The following ZC3H18 variants were observed in gnomAD, a reference collection of about 807,000 sequenced individuals.
The protein encoded by ZC3H18 is zinc finger CCCH domain-containing protein 18.
In ZC3H18, 8 loss-of-function variants were observed where a neutral mutation model predicts 106.1. The observed-to-expected ratio is 0.08, with a 90% CI of 0.04 to 0.14. The LOEUF is 0.14. Ranked by LOEUF, ZC3H18 falls within the 10% of genes least tolerant of loss-of-function variation. The pLI is 1.00. For missense variants in ZC3H18, 1,318 were observed against 1,278.4 expected (o/e 1.03, Z -0.47); for synonymous variants, 635 against 522.1 (o/e 1.22, Z -2.95).
intron 1 of ZC3H18, among the ~76,000 whole-genome samples, chr16:88,575,135 G>A (rs997941293): frequency 6.6e-6 from 1 of 150,576 alleles, no homozygotes. Flanking sequence ...GGCCTCTAAT[G>A]TGTACTTAAT....
intron 8 of ZC3H18, among the ~76,000 whole-genome samples, chr16:88,618,492 G>C (rs932143939): frequency 6.6e-6 from 1 of 152,170 alleles, no homozygotes; most frequent in African/African-American, 2.4e-5. Flanking sequence ...TTTCACCTTT[G>C]ACCCCAAACT....
At chr16:88,589,808 G>A (rs1300139695) in intron 3 of ZC3H18, among the ~76,000 whole-genome samples, 1 of 152,212 alleles carries the variant, frequency 6.6e-6, no homozygotes, top group East Asian at 1.9e-4. Flanking sequence ...GACTGGGGGT[G>A]GAGAGTGATA....
At chr16:88,571,314 C>G (rs1292653295) in intron 1 of ZC3H18, among the ~76,000 whole-genome samples, 1 of 152,212 alleles carries the variant, frequency 6.6e-6, no homozygotes, top group East Asian at 1.9e-4. Context: ...TTCTTCAGAC[C>G]CATTTGGGAA....
intron 1 of ZC3H18, among the ~76,000 whole-genome samples, chr16:88,574,916 G>A (rs1160841429): frequency 6.8e-6 from 1 of 147,376 alleles, no homozygotes; most frequent in Non-Finnish European, 1.5e-5. Context: ...TCCAAGCCCC[G>A]CCCCCTGGGT....
At position 88,615,844 on chromosome 16, in the gene ZC3H18, T is replaced by G. The variant is rs539400443; in HGVS notation, c.1475+4308T>G. ...CTAAGCAGCCGGGGGCTCTTCCCAG[T>G]CAGGAGTCTGTAATTCCAACTCAGG... On this transcript the variant is annotated intron_variant, in intron 8 of 17. Coordinates refer to ENST00000301011, the MANE Select transcript of ZC3H18 (RefSeq NM_144604.4). Among the ~76,000 whole-genome samples the G allele has an allele frequency of 2.0e-5, 3 of 152,316 alleles. No homozygotes were observed. In the East Asian group the frequency reaches 5.8e-4, roughly 29 times the overall value.
At chr16:88,590,203 C>A (rs1315122011) in intron 3 of ZC3H18, among the ~76,000 whole-genome samples, 2 of 152,204 alleles carry the variant, frequency 1.3e-5, no homozygotes, top group Non-Finnish European at 2.9e-5. Flanking sequence ...CCTTCCACCT[C>A]AGCCTCCCAG....
intron 3 of ZC3H18, among the ~76,000 whole-genome samples, chr16:88,597,872 T>C (rs1904521343): frequency 6.6e-6 from 1 of 152,240 alleles, no homozygotes; most frequent in Non-Finnish European, 1.5e-5. Context: ...TTTTCTGGTT[T>C]AAGGGGAAAA....
intron 2 of ZC3H18, among the ~76,000 whole-genome samples, chr16:88,585,675 C>T (rs1269697602): frequency 6.6e-6 from 1 of 152,084 alleles, no homozygotes; most frequent in Non-Finnish European, 1.5e-5. Flanking sequence ...GAAAAGGGCG[C>T]TTCACACTGT....
chr16:88,597,391 A>C (rs1904494515), intron 3 of ZC3H18, among the ~76,000 whole-genome samples: 1 of 152,212 alleles, frequency 6.6e-6, no homozygotes, highest in Non-Finnish European at 1.5e-5. Flanking sequence ...TTAAAATCTA[A>C]CTGCATGTTA....
chr16:88,618,200 T>G (rs1303283305), intron 8 of ZC3H18, among the ~76,000 whole-genome samples: 2 of 152,072 alleles, frequency 1.3e-5, no homozygotes, highest in East Asian at 3.9e-4. Context: ...TTTTTTTTTT[T>G]GCAAAGTGTA....
At chr16:88,595,205 C>T (rs970213447) in intron 3 of ZC3H18, among the ~76,000 whole-genome samples, 9 of 152,160 alleles carry the variant, frequency 5.9e-5, no homozygotes, top group African/African-American at 2.2e-4. Context: ...GCCGACATTC[C>T]AGTTAAGAAA....
At chr16:88,574,041 T>C (rs1914579595) in intron 1 of ZC3H18, among the ~76,000 whole-genome samples, 1 of 151,732 alleles carries the variant, frequency 6.6e-6, no homozygotes, top group Non-Finnish European at 1.5e-5. Context: ...GCCCAGCTAA[T>C]GTTTTGTATA....
chr16:88,607,469 C>A (rs1259280126), intron 6 of ZC3H18, among the ~76,000 whole-genome samples: 2 of 152,248 alleles, frequency 1.3e-5, no homozygotes, highest in Admixed American at 6.5e-5. Context: ...GTAGGAAGGA[C>A]TGACTTGTGG....
In ZC3H18 at chr16:88,613,512, G is replaced by A. The variant is rs558645063; in HGVS notation, c.1475+1976G>A. ...CTGCATCCTTGTCTGCACTTGCTGC[G>A]GTCCGTCTTGTTGATGACAGCCGTC... On this transcript the variant is annotated intron_variant, in intron 8 of 17. Transcript: ENST00000301011. 9.2e-5 allele frequency among the ~76,000 whole-genome samples: 14 copies of A among 152,130 alleles called. No individual in the cohort carries two copies. In the South Asian group the frequency reaches 2.3e-3, roughly 25 times the overall value.
rs568744544 is a variant in ZC3H18, at chr16:88,628,192, C to T, written c.2469+73C>T. On this transcript the variant is annotated intron_variant, in intron 15 of 17. Coordinates refer to ENST00000301011, the MANE Select transcript of ZC3H18 (RefSeq NM_144604.4). ...GTCCATCTGCTTCCTGAGACAGCTT[C>T]CTCCTGGGGGACGGAGCCTGAGTGA... The T allele has an allele frequency of 5.5e-5, 86 of 1,552,306 alleles. 1 individual carries two copies. The African/African-American group carries it at 1.1e-3, about 19-fold the overall frequency.
chr16:88,583,428 C>A (rs143523007), intron 2 of ZC3H18, among the ~76,000 whole-genome samples: 101 of 152,352 alleles, frequency 6.6e-4, no homozygotes, highest in African/African-American at 2.3e-3. Context: ...CCACATCACC[C>A]TGCTCTGGGG....
chr16:88,617,878 C>T (rs1905722203), intron 8 of ZC3H18, among the ~76,000 whole-genome samples: 1 of 152,240 alleles, frequency 6.6e-6, no homozygotes, highest in African/African-American at 2.4e-5. Flanking sequence ...CTCTCATCTG[C>T]CAGTTTGAGG....
Position 88,618,581 on chromosome 16 carries a change from G to A in ZC3H18, c.1476-3616G>A, listed in dbSNP as rs542016824. On this transcript the variant is annotated intron_variant, in intron 8 of 17. Coordinates refer to ENST00000301011, the MANE Select transcript of ZC3H18 (RefSeq NM_144604.4). ...TCTGTGGCGCCTCGTGTGGCTGCTG[G>A]CATCGGTGAGGCATGAGCTATGAGT... Among the ~76,000 whole-genome samples the A allele has an allele frequency of 1.1e-4, 17 of 152,332 alleles. No individual in the cohort carries two copies. The East Asian group carries it at 3.1e-3, about 28-fold the overall frequency.
At chr16:88,604,549 G>A (rs550063716) in intron 6 of ZC3H18, among the ~76,000 whole-genome samples, 1 of 152,114 alleles carries the variant, frequency 6.6e-6, no homozygotes, top group African/African-American at 2.4e-5. Context: ...AGCCAGGCGT[G>A]GTGGCGGACA....
Sources: allele counts gnomAD v4.1 joint callset (sites outside exome capture counted in the v4.1 genomes callset), GRCh38; gene constraint gnomAD v4.1.1; transcripts MANE v1.5; gene names NCBI Gene and HGNC (gene_info 2026-07-23, HGNC 2026-07-21).